CNTNAP2: variants seen among roughly 807,000 people sequenced by gnomAD.
CNTNAP2 encodes the protein contactin associated protein 2, also known as contactin-associated protein-like 2.
CNTNAP2 carries 98 observed loss-of-function variants against 155.2 expected under a neutral mutation model. That is an observed-to-expected ratio of 0.63 (90% CI 0.54 to 0.75). CNTNAP2 has a LOEUF of 0.75. Among genes scored for constraint, CNTNAP2 ranks in the 30% least tolerant of loss-of-function variants. The probability of loss-of-function intolerance (pLI) is 0.00; values close to 1 mark genes in which losing one functional copy is unlikely to be tolerated. For synonymous variants in CNTNAP2, 651 were observed against 631.2 expected (o/e 1.03, Z -0.47); for missense variants, 1,727 against 1,688.1 (o/e 1.02, Z -0.40).
chr7:147,573,286 T>C (rs1800329221), intron 12 of CNTNAP2, among the ~76,000 whole-genome samples: 1 of 152,194 alleles, frequency 6.6e-6, no homozygotes, highest in African/African-American at 2.4e-5. Flanking sequence ...TTCATTAGCA[T>C]TGAACTCTTC....
intron 9 of CNTNAP2, among the ~76,000 whole-genome samples, chr7:147,348,342 A>G (rs984769399): frequency 6.6e-6 from 1 of 150,494 alleles, no homozygotes; most frequent in Non-Finnish European, 1.5e-5. Context: ...AATGATCTGA[A>G]TAGACATTTC....
chr7:147,475,728 A>G (rs1798308680), intron 10 of CNTNAP2, among the ~76,000 whole-genome samples: 1 of 152,194 alleles, frequency 6.6e-6, no homozygotes, highest in Non-Finnish European at 1.5e-5. Flanking sequence ...TATAAAAAGT[A>G]TTCCACCATA....
chr7:148,062,575 T>C (rs957782900), intron 15 of CNTNAP2, among the ~76,000 whole-genome samples: 2 of 152,142 alleles, frequency 1.3e-5, no homozygotes, highest in African/African-American at 2.4e-5. Flanking sequence ...GAACACACAT[T>C]CTTCTAAGAT....
At chr7:148,045,331 G>C (rs1387306496) in intron 15 of CNTNAP2, among the ~76,000 whole-genome samples, 2 of 152,034 alleles carry the variant, frequency 1.3e-5, no homozygotes, top group Non-Finnish European at 2.9e-5. Flanking sequence ...GGGGGTGGGT[G>C]GTGGGGGGCG....
chr7:146,684,774 T>G (rs1455625442), intron 1 of CNTNAP2, among the ~76,000 whole-genome samples: 1 of 151,564 alleles, frequency 6.6e-6, no homozygotes, highest in African/African-American at 2.4e-5. Flanking sequence ...AACACCAATG[T>G]CCCTACCGAG....
At chr7:148,379,483 C>T (rs558959451) in intron 21 of CNTNAP2, among the ~76,000 whole-genome samples, 161 of 152,036 alleles carry the variant, frequency 1.1e-3, no homozygotes, top group African/African-American at 3.7e-3. Flanking sequence ...GTGGGTGGAT[C>T]GCTTGAGCCT....
At chr7:147,558,679 T>A (rs988913528) in intron 11 of CNTNAP2, among the ~76,000 whole-genome samples, 1 of 151,408 alleles carries the variant, frequency 6.6e-6, no homozygotes, top group African/African-American at 2.4e-5. Flanking sequence ...AAAGAAAACT[T>A]TTTTCCTTCG....
At chr7:147,625,515 A>G (rs1794954152) in intron 12 of CNTNAP2, among the ~76,000 whole-genome samples, 1 of 152,244 alleles carries the variant, frequency 6.6e-6, no homozygotes, top group Non-Finnish European at 1.5e-5. Flanking sequence ...TTTCATCAAA[A>G]TAGAGTTTAT....
At chr7:148,019,688 C>A (rs1459309620) in intron 15 of CNTNAP2, among the ~76,000 whole-genome samples, 1 of 152,028 alleles carries the variant, frequency 6.6e-6, no homozygotes, top group Non-Finnish European at 1.5e-5. Context: ...AACTCCTGGC[C>A]TCAAGTGATC....
chr7:148,340,526 G>A (rs149348631), intron 21 of CNTNAP2, among the ~76,000 whole-genome samples: 40 of 152,322 alleles, frequency 2.6e-4, no homozygotes, highest in African/African-American at 9.4e-4. Context: ...AGACAGTTCT[G>A]GACTTGCTCC....
intron 1 of CNTNAP2, among the ~76,000 whole-genome samples, chr7:146,557,463 C>A (rs1422852852): frequency 2.0e-5 from 3 of 151,990 alleles, no homozygotes; most frequent in African/African-American, 7.3e-5. Flanking sequence ...ATAATTAATT[C>A]TATTGTCTAT....
intron 13 of CNTNAP2, among the ~76,000 whole-genome samples, chr7:147,783,046 C>T (rs905146948): frequency 1.3e-5 from 2 of 152,108 alleles, no homozygotes; most frequent in Non-Finnish European, 2.9e-5. Flanking sequence ...ACATTCACAG[C>T]CATTCTAATA....
chr7:147,157,380 AAG>A (rs772946543), intron 8 of CNTNAP2, among the ~76,000 whole-genome samples: 7 of 152,088 alleles, frequency 4.6e-5, no homozygotes, highest in Admixed American at 1.3e-4. Flanking sequence ...GGCTACTTAA[AAG>A]AGAGGCAAAT....
intron 1 of CNTNAP2, among the ~76,000 whole-genome samples, chr7:146,608,806 TC>T (rs893065393): frequency 1.3e-5 from 2 of 152,170 alleles, no homozygotes; most frequent in African/African-American, 4.8e-5. Flanking sequence ...GGGGATGATC[TC>T]CCTTTTTTCT....
chr7:146,483,889 T>C (rs991366681), intron 1 of CNTNAP2, among the ~76,000 whole-genome samples: 5 of 152,110 alleles, frequency 3.3e-5, no homozygotes, highest in Non-Finnish European at 5.9e-5. Flanking sequence ...ACAACGAGTA[T>C]AATCTAATTG....
intron 1 of CNTNAP2, among the ~76,000 whole-genome samples, chr7:146,303,678 T>A (rs1336476331): frequency 6.6e-6 from 1 of 152,172 alleles, no homozygotes; most frequent in African/African-American, 2.4e-5. Flanking sequence ...TTAGGAGTGC[T>A]TTACTTCCAA....
At chr7:146,350,993 C>A (rs1385286407) in intron 1 of CNTNAP2, among the ~76,000 whole-genome samples, 2 of 130,592 alleles carry the variant, frequency 1.5e-5, no homozygotes, top group Non-Finnish European at 3.0e-5. Context: ...AGCACATGAA[C>A]ACAGGAAGGG....
Position 148,173,434 on chromosome 7 carries a change from T to A in CNTNAP2, c.3010+956T>A, listed in dbSNP as rs144513683. On this transcript the variant is annotated intron_variant, in intron 18 of 23. Transcript: ENST00000361727. ...CATAAGTAGCCTGTTCAGACTCTGA[T>A]GAATACATGGAGGGTTGTTTACACT... Among the ~76,000 whole-genome samples the A allele has an allele frequency of 4.6e-5, 7 of 152,356 alleles. No homozygotes were observed. The East Asian group carries it at 1.4e-3, about 29-fold the overall frequency.
At chr7:147,836,156 G>T (rs1798629938) in intron 13 of CNTNAP2, among the ~76,000 whole-genome samples, 1 of 152,144 alleles carries the variant, frequency 6.6e-6, no homozygotes, top group Non-Finnish European at 1.5e-5. Flanking sequence ...TGTCCTAGTG[G>T]TTTGTTGTTG....
Sources: allele counts gnomAD v4.1 joint callset (sites outside exome capture counted in the v4.1 genomes callset), GRCh38; gene constraint gnomAD v4.1.1; transcripts MANE v1.5; gene names NCBI Gene and HGNC (gene_info 2026-07-23, HGNC 2026-07-21).